WDFY4: variants seen among roughly 807,000 people sequenced by gnomAD.
WDFY4 encodes WDFY family member 4, also known as WD repeat- and FYVE domain-containing protein 4.
In WDFY4, 169 loss-of-function variants were observed where a neutral mutation model predicts 351.9. The observed-to-expected ratio is 0.48, with a 90% CI of 0.42 to 0.55. WDFY4 has a LOEUF of 0.55. Ranked by LOEUF, WDFY4 falls within the 20% of genes least tolerant of loss-of-function variation. The pLI is 0.00. For missense variants in WDFY4, 3,803 were observed against 3,935.6 expected, an observed-to-expected ratio of 0.97 and a Z score of 0.90; for synonymous variants, 1,622 against 1,574.6, an observed-to-expected ratio of 1.03 and a Z score of -0.71.
Position 48,943,463 on chromosome 10 carries a change from G to C in WDFY4, c.7749+14G>C. 1.3e-6 allele frequency: 2 copies of C among 1,550,000 alleles called. No homozygotes were observed. Among genetic ancestry groups the C allele is most frequent in the Non-Finnish European group, 8.7e-7 (1 of 1,145,876 alleles). ...TACACCTCAGAGGTAAGTTCCTCAC[G>C]TGGAAACCACAGCTGCCCTCAGGTG... On this transcript the variant is annotated intron_variant, in intron 49 of 61. Coordinates refer to ENST00000325239, the MANE Select transcript of WDFY4 (RefSeq NM_001394531.1).
At chr10:48,799,643 G>A (rs967723741) in intron 24 of WDFY4, among the ~76,000 whole-genome samples, 1 of 152,020 alleles carries the variant, frequency 6.6e-6, no homozygotes, top group African/African-American at 2.4e-5. Context: ...CATAGTTGCG[G>A]GCGCCTGTAA....
chr10:48,875,077 T>A lies in WDFY4; in HGVS notation c.6949-12T>A, dbSNP rs1177148458. 1 of 1,472,008 alleles carries A rather than the reference T, an allele frequency of 6.8e-7. No individual in the cohort carries two copies. Among genetic ancestry groups the A allele is most frequent in the Non-Finnish European group, 9.0e-7 (1 of 1,106,756 alleles). The allele number at this position is 1,472,008 out of a possible 1,614,324, so 91.2% of individuals were successfully genotyped here. ...CAGGATTTAATTTTTCTTTTCAATG[T>A]CCTTATTTCAGGAAAGCCAAGACAA... On this transcript the variant is annotated splice_polypyrimidine_tract_variant and intron_variant, in intron 41 of 61. Coordinates refer to ENST00000325239, the MANE Select transcript of WDFY4 (RefSeq NM_001394531.1).
intron 12 of WDFY4, among the ~76,000 whole-genome samples, chr10:48,751,791 GC>G (rs1441294278): frequency 6.6e-6 from 1 of 152,124 alleles, no homozygotes; most frequent in Non-Finnish European, 1.5e-5. Flanking sequence ...CCATATCTAA[GC>G]AAGACAAGTA....
rs995320857 is a variant in WDFY4, at chr10:48,777,831, A to G, written c.3175+336A>G. On this transcript the variant is annotated intron_variant, in intron 17 of 61. Transcript: ENST00000325239. ...TGTTCTTCAACTTTGCTCCTCTTTT[A>G]GAGCAAGATGTTCTGTTCATTGTGC... Among the ~76,000 whole-genome samples, 4 of 152,350 alleles carry G rather than the reference A, an allele frequency of 2.6e-5. No individual in the cohort carries two copies. The East Asian group carries it at 7.7e-4, about 29-fold the overall frequency.
rs997821821 is a variant in WDFY4 at position 48,789,942 on chromosome 10, A to G, written c.4023A>G (p.Ser1341=). Residue 1341 remains serine, a synonymous_variant, in exon 22 of 62, where the codon TCA becomes TCG. Transcript: ENST00000325239. ...TGAGGAATTGTGCTGGCCACCTGTC[A>G]GGGTCTCTGCGGACCATTGGAGCTG... ...FLLRNCAGHL[S]GSLRTIGAVA... 6.4e-7 allele frequency: 1 copy of G among 1,552,414 alleles called. No individual in the cohort carries two copies. The highest frequency in any genetic ancestry group is 8.7e-7 in the Non-Finnish European group (1 of 1,147,150).
chr10:48,746,092 T>C (rs2065006603), intron 12 of WDFY4: 1 of 158,236 alleles, frequency 6.3e-6, no homozygotes, highest in African/African-American at 2.4e-5. Context: ...GCCCAGGAGG[T>C]AGCCTCGGTC....
chr10:48,760,802 C>T (rs1185531410), intron 13 of WDFY4, among the ~76,000 whole-genome samples: 1 of 152,244 alleles, frequency 6.6e-6, no homozygotes, highest in Non-Finnish European at 1.5e-5. Flanking sequence ...GCATGTTCAT[C>T]TCTCTCCTGG....
rs2064907525 is a variant in WDFY4, at chr10:48,743,192, C to T, written c.2103C>T (p.Phe701=). 1.9e-6 allele frequency: 3 copies of T among 1,551,732 alleles called. No individual in the cohort carries two copies. In the East Asian group the frequency reaches 7.3e-5, roughly 38 times the overall value. The part of the protein sequence containing the change: ...ALHWDPVNGY[F]FRRNGLFEKL... Reference sequence around the variant, plus strand: ...ACTGGGACCCTGTCAATGGCTACTTCTTCAGGAGGAATGGGCTCTTTGAGA... The same window carrying T: ...ACTGGGACCCTGTCAATGGCTACTTTTTCAGGAGGAATGGGCTCTTTGAGA... Residue 701 remains phenylalanine (F), a synonymous_variant, in exon 12 of 62, where the codon TTC becomes TTT. Coordinates refer to ENST00000325239, the MANE Select transcript of WDFY4 (RefSeq NM_001394531.1).
Position 48,735,962 on chromosome 10 carries a change from C to T in WDFY4, c.1770C>T (p.Ile590=). Residue 590 remains isoleucine, a synonymous_variant, in exon 11 of 62, where the codon ATC becomes ATT. Coordinates refer to ENST00000325239, the MANE Select transcript of WDFY4 (RefSeq NM_001394531.1). The part of the protein sequence containing the change: ...DECYREASLS[I]LEQLSAINAE... ...GCTACCGGGAGGCCTCGCTCAGCAT[C>T]TTGGAGCAGCTCTCAGCCATCAACG... The T allele has an allele frequency of 6.4e-7, 1 of 1,551,836 alleles. No individual in the cohort carries two copies. Among genetic ancestry groups the T allele is most frequent in the Non-Finnish European group, 8.7e-7 (1 of 1,147,038 alleles).
intron 47 of WDFY4, among the ~76,000 whole-genome samples, chr10:48,941,297 A>C (rs3892150): frequency 6.6e-6 from 1 of 152,224 alleles, no homozygotes; most frequent in Non-Finnish European, 1.5e-5. Flanking sequence ...AACAAAAAAA[A>C]CTATGTAGGC....
Position 48,787,857 on chromosome 10 carries a change from C to CTTCTTCTTT in WDFY4, c.3809-671_3809-670insCTTCTTTTT, listed in dbSNP as rs1430439060. On this transcript the variant is annotated intron_variant, in intron 20 of 61. Transcript: ENST00000325239. The stretch of plus-strand genomic sequence containing the variant: ...TCTTCTTCTTCTTCTTCTTCTTCTT[C>CTTCTTCTTT]TTTCTTCTTCTTTCTTCTTTCTTTC... Among the ~76,000 whole-genome samples, 3 of 88,656 alleles carry CTTCTTCTTT rather than the reference C, an allele frequency of 3.4e-5. 1 individual carries two copies. The highest frequency in any genetic ancestry group is 1.6e-4 in the African/African-American group (3 of 18,982). 58.2% of individuals were successfully genotyped at this position (88,656 alleles called of 152,430 possible). A position where few individuals can be genotyped will look rare whatever the true frequency, so the allele number is the denominator to read the frequency against.
chr10:48,693,091 G>GATTCAGCT (rs1589394889), intron 1 of WDFY4, among the ~76,000 whole-genome samples: 1 of 152,312 alleles, frequency 6.6e-6, no homozygotes, highest in East Asian at 1.9e-4. Context: ...GTGATCAGTG[G>GATTCAGCT]ATTCAGCTTA....
chr10:48,852,333 T>A (rs1216484862), intron 39 of WDFY4, among the ~76,000 whole-genome samples: 1 of 152,226 alleles, frequency 6.6e-6, no homozygotes, highest in East Asian at 1.9e-4. Context: ...GGCCTCGATA[T>A]CTTCTCCTGT....
At chr10:48,932,862 A>AG (rs1416743675) in intron 47 of WDFY4, among the ~76,000 whole-genome samples, 4 of 152,168 alleles carry the variant, frequency 2.6e-5, no homozygotes, top group Non-Finnish European at 2.9e-5. Flanking sequence ...GCTAAGAAGA[A>AG]GCCACATGGA....
At chr10:48,836,638 T>C (rs987784528) in intron 39 of WDFY4, among the ~76,000 whole-genome samples, 3 of 152,332 alleles carry the variant, frequency 2.0e-5, no homozygotes, top group South Asian at 4.1e-4. Flanking sequence ...GTGGGTGAGC[T>C]GAACTTTGAG....
intron 21 of WDFY4, 73 bp from the exon 22 acceptor site, chr10:48,789,801 C>T: frequency 6.9e-7 from 1 of 1,451,786 alleles, no homozygotes; most frequent in Non-Finnish European, 9.5e-7. Flanking sequence ...AGGGCCTGCC[C>T]TCCAGGAGCT....
intron 47 of WDFY4, among the ~76,000 whole-genome samples, chr10:48,902,465 C>T (rs1420649071): frequency 6.6e-6 from 1 of 152,064 alleles, no homozygotes; most frequent in Non-Finnish European, 1.5e-5. Context: ...TGGTTTTCTA[C>T]AGGAATGTGT....
At chr10:48,705,588 G>A (rs903383994) in intron 1 of WDFY4, among the ~76,000 whole-genome samples, 3 of 152,066 alleles carry the variant, frequency 2.0e-5, no homozygotes, top group Non-Finnish European at 2.9e-5. Flanking sequence ...GGTGTGGCAC[G>A]ATCAGCAGAT....
Position 48,780,950 on chromosome 10 carries a change from T to C in WDFY4, c.3576+831T>C, listed in dbSNP as rs79073172. Among the ~76,000 whole-genome samples, 359 of 152,338 alleles carry C rather than the reference T, an allele frequency of 2.4e-3. 6 individuals are homozygous for C. The East Asian group carries it at 0.033, about 14-fold the overall frequency. Reference sequence around the variant, plus strand: ...TAAAATTTTCTAGGTGATTCTAATATGCAGCCAGAATGGAGAACCTTACAT... The same window carrying C: ...TAAAATTTTCTAGGTGATTCTAATACGCAGCCAGAATGGAGAACCTTACAT... On this transcript the variant is annotated intron_variant, in intron 19 of 61. Transcript: ENST00000325239.
Sources: gnomAD v4.1 joint callset for allele counts (sites outside exome capture counted in the v4.1 genomes callset) on GRCh38, gnomAD v4.1.1 for gene constraint, MANE v1.5 for transcripts, NCBI Gene and HGNC (gene_info 2026-07-23, HGNC 2026-07-21) for gene names.